Variants in PDIA6 observed in about 807,000 individuals in gnomAD.
PDIA6 encodes protein disulfide-isomerase A6.
In PDIA6, 29 loss-of-function variants were observed where a neutral mutation model predicts 58.4. The ratio of observed to expected loss-of-function variants is 0.50; its 90% CI spans 0.37 to 0.68. PDIA6 has a LOEUF of 0.68. Ranked by LOEUF, PDIA6 falls within the 30% of genes least tolerant of loss-of-function variation. PDIA6 has a pLI of 0.00. For synonymous variants in PDIA6, 192 were observed against 202.6 expected (o/e 0.95, Z 0.44); for missense variants, 480 against 551.0 (o/e 0.87, Z 1.29).
At chr2:10,787,660 A>G (rs1665835112) in intron 10 of PDIA6, among the ~76,000 whole-genome samples, 1 of 152,200 alleles carries the variant, frequency 6.6e-6, no homozygotes, top group African/African-American at 2.4e-5. Context: ...GGCATCTAAT[A>G]AACATTTGCT....
chr2:10,807,771 C>G (rs1666823442), intron 1 of PDIA6, among the ~76,000 whole-genome samples: 1 of 152,174 alleles, frequency 6.6e-6, no homozygotes, highest in Admixed American at 6.5e-5. Context: ...TGTTTTACTG[C>G]TAAATCCTCC....
intron 8 of PDIA6, 105 bp downstream of exon 8, chr2:10,789,644 G>T: frequency 1.0e-6 from 1 of 993,442 alleles, no homozygotes; most frequent in Non-Finnish European, 1.5e-6. Flanking sequence ...ACTTTAAAGA[G>T]AGTATCTTTA....
intron 5 of PDIA6, among the ~76,000 whole-genome samples, chr2:10,792,404 T>C (rs575781795): frequency 6.6e-6 from 1 of 152,334 alleles, no homozygotes; most frequent in African/African-American, 2.4e-5. Flanking sequence ...CAGCATTGCT[T>C]TCTGTTGCCA....
chr2:10,790,452 C>A (rs1168788080), intron 7 of PDIA6, among the ~76,000 whole-genome samples: 1 of 152,158 alleles, frequency 6.6e-6, no homozygotes, highest in Non-Finnish European at 1.5e-5. Flanking sequence ...GACCAACTCA[C>A]AACAGCCATA....
At chr2:10,793,394 C>A (rs1247240267) in intron 4 of PDIA6, among the ~76,000 whole-genome samples, 192 bp from the exon 5 acceptor site, 1 of 152,126 alleles carries the variant, frequency 6.6e-6, no homozygotes, top group Admixed American at 6.5e-5. Context: ...CTTGGAAAAC[C>A]AATTCCTTTT....
intron 1 of PDIA6, among the ~76,000 whole-genome samples, chr2:10,823,683 C>T (rs559929495): frequency 6.6e-6 from 1 of 152,326 alleles, no homozygotes; most frequent in Admixed American, 6.5e-5. Context: ...TGCAGTAGCC[C>T]CTTAGAGTCA....
At chr2:10,805,332 G>A (rs1666688365) in intron 1 of PDIA6, among the ~76,000 whole-genome samples, 1 of 98,634 alleles carries the variant, frequency 1.0e-5, no homozygotes, top group Non-Finnish European at 2.1e-5. Flanking sequence ...CTGGCCATCA[G>A]AGAAATGCAA....
chr2:10,834,734 CCTTCCTTCCTTCCTTCCTT>C (rs1558468776), upstream of PDIA6, among the ~76,000 whole-genome samples: 49 of 57,982 alleles, frequency 8.5e-4, 1 homozygote, highest in African/African-American at 1.6e-3. Context: ...TTCCTTCCCT[CCTTCCTTCCTTCCTTCCTT>C]CCTTCCTTCC....
chr2:10,824,340 GA>G (rs1667490172), intron 1 of PDIA6, among the ~76,000 whole-genome samples: 1 of 152,226 alleles, frequency 6.6e-6, no homozygotes, highest in Admixed American at 6.5e-5. Flanking sequence ...GTCTGTGGCC[GA>G]TGACACCTGT....
intron 1 of PDIA6, among the ~76,000 whole-genome samples, chr2:10,823,893 AT>A (rs1225450286): frequency 2.0e-5 from 3 of 149,356 alleles, no homozygotes; most frequent in Non-Finnish European, 4.5e-5. Flanking sequence ...TGACTGATAG[AT>A]TTGGGGATAC....
At chr2:10,808,542 T>C (rs1442474733) in intron 1 of PDIA6, among the ~76,000 whole-genome samples, 1 of 152,076 alleles carries the variant, frequency 6.6e-6, no homozygotes, top group African/African-American at 2.4e-5. Context: ...AGGCCAAAGA[T>C]AAAATACAGG....
chr2:10,835,412 C>T (rs1432961950), upstream of PDIA6, among the ~76,000 whole-genome samples: 1 of 152,062 alleles, frequency 6.6e-6, no homozygotes, highest in Non-Finnish European at 1.5e-5. Flanking sequence ...GGGCCTTATC[C>T]GGGGCGTATT....
intron 1 of PDIA6, among the ~76,000 whole-genome samples, chr2:10,811,508 A>G (rs1446415718): frequency 2.3e-5 from 1 of 43,020 alleles, no homozygotes; most frequent in Non-Finnish European, 8.3e-5. Flanking sequence ...AAAAACAGAA[A>G]GACATGTACT....
intron 1 of PDIA6, among the ~76,000 whole-genome samples, chr2:10,806,860 C>T (rs72779433): frequency 0.14 from 21,670 of 152,086 alleles, 1,980 homozygotes; most frequent in Non-Finnish European, 0.21. Context: ...AGTACAGTAA[C>T]ATGCCGAACA....
intron 2 of PDIA6, among the ~76,000 whole-genome samples, chr2:10,801,856 C>G (rs1336781572): frequency 6.6e-6 from 1 of 152,228 alleles, no homozygotes; most frequent in African/African-American, 2.4e-5. Flanking sequence ...GTTCACATGT[C>G]AAAGGACTCC....
chr2:10,787,493 T>C (rs1189663791), intron 10 of PDIA6, 54 bp from the exon 11 acceptor site: 1 of 1,515,538 alleles, frequency 6.6e-7, no homozygotes, highest in African/African-American at 1.4e-5. Context: ...TTGCTTACGA[T>C]CTAACTAGAA....
chr2:10,828,608 C>A (rs115089118), intron 1 of PDIA6, among the ~76,000 whole-genome samples: 135 of 152,382 alleles, frequency 8.9e-4, no homozygotes, highest in Non-Finnish European at 1.6e-3. Context: ...CAGTCTCCTG[C>A]TAGCCTGTGC....
intron 1 of PDIA6, 57 bp downstream of exon 1, chr2:10,812,621 C>G (rs1667052534): frequency 1.3e-6 from 2 of 1,482,680 alleles, no homozygotes; most frequent in African/African-American, 2.9e-5. Context: ...CCTAGAGATT[C>G]GAAACCTTTC....
At chr2:10,787,626 T>C (rs1398068096) in intron 10 of PDIA6, among the ~76,000 whole-genome samples, 187 bp from the exon 11 acceptor site, 1 of 152,234 alleles carries the variant, frequency 6.6e-6, no homozygotes, top group Non-Finnish European at 1.5e-5. Flanking sequence ...ATTTGGGTTA[T>C]TAAGCATGTT....
Sources: allele counts gnomAD v4.1 joint callset (sites outside exome capture counted in the v4.1 genomes callset), GRCh38; gene constraint gnomAD v4.1.1; transcripts MANE v1.5; gene names NCBI Gene and HGNC (gene_info 2026-07-23, HGNC 2026-07-21).